Variants in KLHL25 observed in about 807,000 individuals in gnomAD.
KLHL25 encodes the protein kelch like family member 25, also known as kelch-like protein 25.
In KLHL25, 41 loss-of-function variants were observed where a neutral mutation model predicts 30.0. The ratio of observed to expected loss-of-function variants is 1.37; its 90% CI spans 1.07 to 1.78. The LOEUF (loss-of-function observed/expected upper bound fraction) is 1.78. Among genes scored for constraint, KLHL25 ranks in the 40% most tolerant of loss-of-function variants. KLHL25 has a pLI of 0.00. For synonymous variants in KLHL25, 399 were observed against 355.3 expected (o/e 1.12, Z -1.38); for missense variants, 971 against 824.5 (o/e 1.18, Z -2.18).
At chr15:85,761,070 CT>C (rs1375674245) in intron 2 of KLHL25, 59 bp from the exon 3 acceptor site, 2 of 152,326 alleles carry the variant, frequency 1.3e-5, no homozygotes, top group African/African-American at 4.8e-5. Context: ...CTGTTCTGAC[CT>C]GATCTGGAAC....
chr15:85,780,477 C>A (rs886487899), intron 1 of KLHL25, among the ~76,000 whole-genome samples: 3 of 152,234 alleles, frequency 2.0e-5, no homozygotes, highest in Non-Finnish European at 2.9e-5. Context: ...GGCTGTCTCT[C>A]TTCCTGTCTG....
intron 1 of KLHL25, among the ~76,000 whole-genome samples, chr15:85,780,785 G>A (rs1244071763): frequency 6.6e-6 from 1 of 152,208 alleles, no homozygotes; most frequent in Admixed American, 6.5e-5. Flanking sequence ...GGGGAGCATA[G>A]TTGGCACAAT....
At chr15:85,790,623 C>T (rs904033825) in intron 1 of KLHL25, among the ~76,000 whole-genome samples, 2 of 152,154 alleles carry the variant, frequency 1.3e-5, no homozygotes, top group African/African-American at 4.8e-5. Flanking sequence ...TGGGGCCAAG[C>T]ACGACTCCCC....
At chr15:85,793,221 G>A (rs573144178) in intron 1 of KLHL25, among the ~76,000 whole-genome samples, 55 of 152,284 alleles carry the variant, frequency 3.6e-4, no homozygotes, top group African/African-American at 1.3e-3. Context: ...CCGATGTGGA[G>A]CATGCAATTT....
intron 1 of KLHL25, among the ~76,000 whole-genome samples, chr15:85,775,549 C>T (rs927807146): frequency 6.6e-6 from 1 of 152,150 alleles, no homozygotes; most frequent in African/African-American, 2.4e-5. Context: ...TGTCCCTTTG[C>T]CAGGAGTTCC....
At chr15:85,773,813 AG>A (rs2089692927) in intron 1 of KLHL25, among the ~76,000 whole-genome samples, 1 of 152,066 alleles carries the variant, frequency 6.6e-6, no homozygotes, top group African/African-American at 2.4e-5. Flanking sequence ...GCCTGCGCAG[AG>A]GGCCAAGTGG....
chr15:85,787,046 G>C (rs56279342), intron 1 of KLHL25, among the ~76,000 whole-genome samples: 1 of 152,100 alleles, frequency 6.6e-6, no homozygotes, highest in Non-Finnish European at 1.5e-5. Context: ...AAGTGGACTA[G>C]AATCAAAGGA....
chr15:85,792,704 T>C (rs1036341328), intron 1 of KLHL25, among the ~76,000 whole-genome samples: 6 of 152,166 alleles, frequency 3.9e-5, no homozygotes, highest in Admixed American at 1.3e-4. Context: ...TGGCAATGAA[T>C]TGGGCCTCTG....
At chr15:85,777,089 C>G (rs2089714400) in intron 1 of KLHL25, among the ~76,000 whole-genome samples, 1 of 152,192 alleles carries the variant, frequency 6.6e-6, no homozygotes, top group Non-Finnish European at 1.5e-5. Flanking sequence ...TCACTTTGGC[C>G]CCCATGCCTC....
intron 1 of KLHL25, among the ~76,000 whole-genome samples, chr15:85,783,257 T>C (rs1451384734): frequency 6.8e-6 from 1 of 146,844 alleles, no homozygotes; most frequent in Non-Finnish European, 1.5e-5. Context: ...CTGGCTAATT[T>C]TTGTATTTTT....
intron 1 of KLHL25, among the ~76,000 whole-genome samples, chr15:85,775,026 G>A (rs529917403): frequency 1.1e-3 from 164 of 151,938 alleles, no homozygotes; most frequent in Middle Eastern, 6.8e-3. Context: ...ACAGGCGCCC[G>A]CCACCACACC....
intron 1 of KLHL25, among the ~76,000 whole-genome samples, chr15:85,794,117 G>A (rs1036086754): frequency 5.9e-5 from 9 of 152,224 alleles, no homozygotes; most frequent in Non-Finnish European, 1.0e-4. Context: ...TTAGAGTCAG[G>A]CTAGAGGGCT....
intron 1 of KLHL25, among the ~76,000 whole-genome samples, chr15:85,780,278 A>G (rs983385214): frequency 6.6e-6 from 1 of 152,252 alleles, no homozygotes; most frequent in Non-Finnish European, 1.5e-5. Flanking sequence ...CTCAGCACTC[A>G]GGTTCACCCA....
chr15:85,770,819 GC>G (rs1231168482), intron 1 of KLHL25, among the ~76,000 whole-genome samples: 1 of 152,168 alleles, frequency 6.6e-6, no homozygotes, highest in Non-Finnish European at 1.5e-5. Flanking sequence ...GGGACCTGGC[GC>G]TCAGAGTGAT....
Position 85,771,412 on chromosome 15 carries a change from T to A in KLHL25, c.-10-1592A>T, listed in dbSNP as rs1597274952. 3.9e-5 allele frequency among the ~76,000 whole-genome samples: 6 copies of A among 152,312 alleles called. No homozygotes were observed. In the South Asian group the frequency reaches 1.2e-3, roughly 32 times the overall value. Reference sequence around the variant, plus strand: ...TCCCACTCCAAGTCAATTTTCTACTTAGGTAATAATCTGGTAAAGGTAGGA... The same window carrying A: ...TCCCACTCCAAGTCAATTTTCTACTAAGGTAATAATCTGGTAAAGGTAGGA... On this transcript the variant is annotated intron_variant, in intron 1 of 2. Coordinates refer to ENST00000337975, the MANE Select transcript of KLHL25 (RefSeq NM_022480.4).
rs976167417 is a variant in KLHL25, at chr15:85,769,337, G to A, written c.474C>T (p.Ala158=). 2.5e-6 allele frequency: 4 copies of A among 1,614,152 alleles called. No individual in the cohort carries two copies. Among genetic ancestry groups the A allele is most frequent in the Non-Finnish European group, 1.7e-6 (2 of 1,180,038 alleles). ...ACTCATACAGCCGGCGGCACTGGTG[G>A]GCGTCCGAGAGCAGCATCATGCCCA... ...NCLGMMLLSD[A]HQCRRLYEFS... The change falls in exon 2 of 3, where the codon GCC becomes GCT. Residue 158 remains alanine, a synonymous_variant. Transcript: ENST00000337975.
At chr15:85,767,049 G>A (rs553185949) in intron 2 of KLHL25, among the ~76,000 whole-genome samples, 63 of 149,570 alleles carry the variant, frequency 4.2e-4, no homozygotes, top group African/African-American at 1.4e-3. Flanking sequence ...GGAGTACAGC[G>A]GCATGATCTT....
intron 2 of KLHL25, among the ~76,000 whole-genome samples, chr15:85,766,556 AG>A (rs1260341868): frequency 1.3e-5 from 2 of 151,318 alleles, no homozygotes; most frequent in Non-Finnish European, 2.9e-5. Context: ...TCAGCTTCTC[AG>A]GAGATTAAAC....
At position 85,789,356 on chromosome 15, in the gene KLHL25, C is replaced by G. The variant is rs997294673; in HGVS notation, c.-11+5410G>C. ...CTTGCAGGCTGGTGCTCAGTCGCCT[C>G]CTCCTGCCCTGCTGGGCTCCCTTGA... On this transcript the variant is annotated intron_variant, in intron 1 of 2. Transcript: ENST00000337975. The surrounding 1 kb of genome is among the most constrained non-coding windows in gnomAD (Gnocchi z 4.1). 6.6e-6 allele frequency among the ~76,000 whole-genome samples: 1 copy of G among 151,832 alleles called. No individual in the cohort carries two copies. The highest frequency in any genetic ancestry group is 2.4e-5 in the African/African-American group (1 of 41,380).
Sources: gnomAD v4.1 joint callset for allele counts (sites outside exome capture counted in the v4.1 genomes callset) on GRCh38, gnomAD v4.1.1 for gene constraint, Gnocchi (gnomAD v3.1) non-coding constraint, MANE v1.5 for transcripts, NCBI Gene and HGNC (gene_info 2026-07-23, HGNC 2026-07-21) for gene names.